Variants in HIRA observed in about 807,000 individuals in gnomAD.
The protein encoded by HIRA is protein HIRA.
A neutral mutation model predicts 126.6 loss-of-function variants in HIRA; 13 were observed. The ratio of observed to expected loss-of-function variants is 0.10; its 90% CI spans 0.07 to 0.16. The LOEUF (loss-of-function observed/expected upper bound fraction) is 0.16. HIRA is among the 10% of genes least tolerant of loss of function. The probability of loss-of-function intolerance (pLI) is 1.00; values close to 1 mark genes in which losing one functional copy is unlikely to be tolerated. For synonymous variants in HIRA, 511 were observed against 520.0 expected, an observed-to-expected ratio of 0.98 and a Z score of 0.24; for missense variants, 834 against 1,314.4, an observed-to-expected ratio of 0.63 and a Z score of 5.65.
chr22:19,337,489 G>T (rs1211863608), intron 24 of HIRA, among the ~76,000 whole-genome samples: 1 of 151,798 alleles, frequency 6.6e-6, no homozygotes, highest in East Asian at 1.9e-4. Flanking sequence ...AATGAACAAA[G>T]CCTCCAAGAA....
intron 17 of HIRA, among the ~76,000 whole-genome samples, chr22:19,360,526 T>A (rs927664560): frequency 3.9e-5 from 6 of 152,102 alleles, no homozygotes; most frequent in African/African-American, 1.4e-4. Flanking sequence ...TGGTGCCCTG[T>A]GAGGACCAAC....
At chr22:19,339,742 C>CAAACTAGAAA (rs2088606542) in intron 24 of HIRA, among the ~76,000 whole-genome samples, 1 of 151,924 alleles carries the variant, frequency 6.6e-6, no homozygotes, top group East Asian at 1.9e-4. Flanking sequence ...ACTATGAACA[C>CAAACTAGAAA]CTTTATGCAC....
chr22:19,331,381 G>A lies in HIRA; in HGVS notation c.*59C>T, dbSNP rs572928317. On this transcript the variant is annotated 3_prime_UTR_variant, in exon 25 of 25. Coordinates refer to ENST00000263208, the MANE Select transcript of HIRA (RefSeq NM_003325.4). Reference sequence around the variant, plus strand: ...GGTCAGGTGAGAGGCGGTCCTGCATGTCATCAGCGGCGAGAGTGTGGCCCT... The same window carrying A: ...GGTCAGGTGAGAGGCGGTCCTGCATATCATCAGCGGCGAGAGTGTGGCCCT... The A allele has an allele frequency of 1.3e-5, 21 of 1,610,072 alleles. 1 individual carries two copies. The Middle Eastern group carries it at 1.7e-3, about 127-fold the overall frequency.
At chr22:19,359,632 G>T in intron 17 of HIRA, 148 bp from the exon 18 acceptor site, 1 of 869,706 alleles carries the variant, frequency 1.1e-6, no homozygotes, top group Non-Finnish European at 1.6e-6. Flanking sequence ...GGCAGGTAGG[G>T]CAAAGGGGCT....
chr22:19,389,111 T>C (rs529867846), intron 9 of HIRA, among the ~76,000 whole-genome samples: 19 of 152,376 alleles, frequency 1.2e-4, no homozygotes, highest in Non-Finnish European at 2.4e-4. Flanking sequence ...TTTGATGAAT[T>C]ATTATCTTCT....
intron 3 of HIRA, among the ~76,000 whole-genome samples, chr22:19,408,174 C>T (rs892311702): frequency 8.5e-5 from 13 of 152,168 alleles, no homozygotes; most frequent in African/African-American, 2.2e-4. Context: ...TTGTCTCTTG[C>T]GCACCCTTCC....
rs1050873665 is a variant in HIRA, at chr22:19,431,666, C to T, written c.-190G>A. ...CGCCGCCACAGCCGCCACCCGCGCTCGGCCGCCGCCGCCGCCACCACAGCC... is the reference window on the plus strand; with the variant it reads ...CGCCGCCACAGCCGCCACCCGCGCTTGGCCGCCGCCGCCGCCACCACAGCC... On this transcript the variant is annotated 5_prime_UTR_variant, in exon 1 of 25. Transcript: ENST00000263208. The T allele has an allele frequency of 5.8e-5, 29 of 496,646 alleles. No homozygotes were observed. Among genetic ancestry groups the T allele is most frequent in the Middle Eastern group, 6.6e-4 (1 of 1,506 alleles). 30.8% of individuals were successfully genotyped at this position (496,646 alleles called of 1,614,324 possible).
chr22:19,415,058 G>A (rs1223708357), intron 1 of HIRA, among the ~76,000 whole-genome samples: 2 of 152,106 alleles, frequency 1.3e-5, no homozygotes, highest in Non-Finnish European at 2.9e-5. Context: ...CGATTCTCCT[G>A]CCTCAGCCTC....
At chr22:19,368,291 C>A (rs541971553) in intron 15 of HIRA, among the ~76,000 whole-genome samples, 73 of 152,320 alleles carry the variant, frequency 4.8e-4, no homozygotes, top group African/African-American at 1.6e-3. Context: ...AGACAAGAGG[C>A]CCATGACGCT....
rs1050615393 is a variant in HIRA, at chr22:19,394,612, G to C, written c.655-103C>G. The C allele has an allele frequency of 4.2e-6, 5 of 1,179,296 alleles. No individual in the cohort carries two copies. The African/African-American group carries it at 7.6e-5, about 18-fold the overall frequency. The allele number at this position is 1,179,296 out of a possible 1,614,324, so 73.1% of individuals were successfully genotyped here. On this transcript the variant is annotated intron_variant, in intron 7 of 24. Transcript: ENST00000263208. ...AACTTCAATTTATAAATGTGTGATG[G>C]TGGAGCATGCACCCCAAGCTTCTGG...
At chr22:19,397,428 G>A (rs1280652642) in intron 6 of HIRA, among the ~76,000 whole-genome samples, 1 of 152,230 alleles carries the variant, frequency 6.6e-6, no homozygotes, top group Non-Finnish European at 1.5e-5. Flanking sequence ...GCCAGACTGA[G>A]TGTTTCCACA....
At chr22:19,387,344 C>T (rs766212875) in intron 11 of HIRA, among the ~76,000 whole-genome samples, 2 of 152,126 alleles carry the variant, frequency 1.3e-5, no homozygotes, top group African/African-American at 2.4e-5. Flanking sequence ...ACAATGCGTT[C>T]TAAGAAATGA....
intron 5 of HIRA, among the ~76,000 whole-genome samples, chr22:19,402,661 T>G (rs928679517): frequency 1.3e-5 from 2 of 152,236 alleles, no homozygotes; most frequent in African/African-American, 4.8e-5. Context: ...TTCCAGTTTC[T>G]ATTTAACTGT....
intron 1 of HIRA, among the ~76,000 whole-genome samples, chr22:19,427,216 C>T (rs1394549198): frequency 6.6e-6 from 1 of 152,184 alleles, no homozygotes; most frequent in Non-Finnish European, 1.5e-5. Context: ...CGTACCCTGC[C>T]CAACCCTGTT....
intron 11 of HIRA, among the ~76,000 whole-genome samples, chr22:19,386,856 C>T (rs578016186): frequency 1.3e-5 from 2 of 152,216 alleles, no homozygotes; most frequent in African/African-American, 2.4e-5. Flanking sequence ...GGGTGGCAGG[C>T]CCCATTCTAA....
chr22:19,381,295 C>G (rs1332096222), intron 13 of HIRA, among the ~76,000 whole-genome samples: 1 of 152,186 alleles, frequency 6.6e-6, no homozygotes, highest in Non-Finnish European at 1.5e-5. Context: ...TCTTATAAAC[C>G]ATATCATCCT....
rs1417259730 is a variant in HIRA at position 19,370,077 on chromosome 22, C to T, written c.1775+5554G>A. Among the ~76,000 whole-genome samples the T allele has an allele frequency of 2.0e-5, 3 of 152,112 alleles. No individual in the cohort carries two copies. In the East Asian group the frequency reaches 5.8e-4, roughly 29 times the overall value. ...GCAATCTCTGCCTCCTGGGTTCAAG[C>T]GATTCTCCTGCCTCAGCCTCTCGCC... On this transcript the variant is annotated intron_variant, in intron 15 of 24. Coordinates refer to ENST00000263208, the MANE Select transcript of HIRA (RefSeq NM_003325.4).
Position 19,331,161 on chromosome 22 carries a change from C to T in HIRA, c.*279G>A. 1 of 1,368,220 alleles carries T rather than the reference C, an allele frequency of 7.3e-7. No individual in the cohort carries two copies. Among genetic ancestry groups the T allele is most frequent in the Admixed American group, 2.2e-5 (1 of 45,576 alleles). 84.8% of individuals were successfully genotyped at this position (1,368,220 alleles called of 1,614,324 possible). ...CGTGCTGGAGACGGCAGGCCTGGGA[C>T]TGCCTTGCTGGCCCCAGGGCACCTG... On this transcript the variant is annotated 3_prime_UTR_variant, in exon 25 of 25. Transcript: ENST00000263208.
At chr22:19,334,716 C>T (rs74276659) in intron 24 of HIRA, among the ~76,000 whole-genome samples, 2 of 151,876 alleles carry the variant, frequency 1.3e-5, no homozygotes, top group African/African-American at 4.8e-5. Context: ...CCAACGCACC[C>T]GGCAGTCCTT....
Sources: gnomAD v4.1 joint callset for allele counts (sites outside exome capture counted in the v4.1 genomes callset) on GRCh38, gnomAD v4.1.1 for gene constraint, MANE v1.5 for transcripts, NCBI Gene and HGNC (gene_info 2026-07-23, HGNC 2026-07-21) for gene names.